The following UPRT variants were observed in gnomAD, a reference collection of about 807,000 sequenced individuals.
UPRT encodes uracil phosphoribosyltransferase homolog.
In UPRT, 5 loss-of-function variants were observed where a neutral mutation model predicts 22.6. That is an observed-to-expected ratio of 0.22 (90% CI 0.12 to 0.47). UPRT has a LOEUF of 0.47. UPRT is among the 20% of genes least tolerant of loss of function. The pLI is 0.99. For missense variants in UPRT, 181 were observed against 239.9 expected, an observed-to-expected ratio of 0.75 and a Z score of 1.62; for synonymous variants, 77 against 87.7, an observed-to-expected ratio of 0.88 and a Z score of 0.68.
intron 4 of UPRT, among the ~76,000 whole-genome samples, chrX:75,223,653 C>T (rs183396585): frequency 9.0e-6 from 1 of 111,718 alleles, no homozygotes; most frequent in Non-Finnish European, 1.9e-5. Context: ...GTCCCACAAT[C>T]ACTGCAGTTT....
intron 4 of UPRT, among the ~76,000 whole-genome samples, chrX:75,229,126 T>C (rs771838829): frequency 7.1e-5 from 8 of 112,112 alleles, no homozygotes; most frequent in Non-Finnish European, 1.5e-4. Context: ...CGCTGTAGAC[T>C]TGAAATTTGT....
intron 4 of UPRT, among the ~76,000 whole-genome samples, chrX:75,216,545 C>CA (rs910210871): frequency 3.6e-5 from 4 of 112,069 alleles, no homozygotes; most frequent in African/African-American, 1.3e-4. Context: ...GCATTAATTA[C>CA]ATGAAATAGT....
intron 3 of UPRT, among the ~76,000 whole-genome samples, chrX:75,164,457 A>AT (rs886329203): frequency 2.7e-5 from 3 of 111,903 alleles, no homozygotes; most frequent in Admixed American, 9.5e-5. Flanking sequence ...ATACAAAGGA[A>AT]TTAGGTGTTG....
At chrX:75,175,798 C>G (rs2082244598) in intron 4 of UPRT, among the ~76,000 whole-genome samples, 1 of 111,752 alleles carries the variant, frequency 8.9e-6, no homozygotes, top group Non-Finnish European at 1.9e-5. Flanking sequence ...GCTCCATTTT[C>G]TGACCTCTCT....
intron 4 of UPRT, among the ~76,000 whole-genome samples, chrX:75,210,360 A>C (rs1458685448): frequency 2.7e-5 from 3 of 111,181 alleles, no homozygotes; most frequent in African/African-American, 6.6e-5. Context: ...TAAGGTTATA[A>C]GATTGAGTGA....
chrX:75,180,349 T>G (rs906891592), intron 4 of UPRT, among the ~76,000 whole-genome samples: 13 of 111,868 alleles, frequency 1.2e-4, no homozygotes, highest in African/African-American at 3.9e-4. Context: ...CTCAGCTCTC[T>G]AAATTGACTC....
intron 4 of UPRT, among the ~76,000 whole-genome samples, chrX:75,233,411 A>C (rs1025721916): frequency 4.5e-5 from 5 of 111,272 alleles, no homozygotes; most frequent in East Asian, 5.6e-4. Context: ...GCAGGCCAAC[A>C]TTCAGATTCA....
intron 4 of UPRT, among the ~76,000 whole-genome samples, chrX:75,230,133 G>A (rs2082433838): frequency 9.0e-6 from 1 of 111,404 alleles, no homozygotes; most frequent in Non-Finnish European, 1.9e-5. Flanking sequence ...GTCTGTCACT[G>A]CCGGCTTTCC....
intron 4 of UPRT, among the ~76,000 whole-genome samples, chrX:75,252,502 A>C (rs1258852579): frequency 8.9e-6 from 1 of 112,557 alleles, no homozygotes; most frequent in Non-Finnish European, 1.9e-5. Flanking sequence ...ATACCATCTC[A>C]CACCAGTTAG....
At chrX:75,249,736 C>A (rs1358381793) in intron 4 of UPRT, among the ~76,000 whole-genome samples, 1 of 111,631 alleles carries the variant, frequency 9.0e-6, no homozygotes, top group African/African-American at 3.3e-5. Flanking sequence ...GAACTCTTCA[C>A]CCTAAATCAA....
rs375919877 is a variant in UPRT at position 75,267,824 on chromosome X, AACATGCTAACATC to A, written c.-446-23196_-446-23184del. On this transcript the variant is annotated intron_variant, in intron 4 of 13. Coordinates refer to the UPRT transcript ENST00000652605. ...GAGAAAGCAGGAAAGATCCAAAATCAACATGCTAACATCACAATTAAAAGAACTGGAGAAGAAA... is the reference window on the plus strand; with the variant it reads ...GAGAAAGCAGGAAAGATCCAAAATCAACAATTAAAAGAACTGGAGAAGAAA... Among the ~76,000 whole-genome samples, 63 of 111,633 alleles carry A rather than the reference AACATGCTAACATC, an allele frequency of 5.6e-4. 1 individual carries two copies. The highest frequency in any genetic ancestry group is 1.9e-3 in the African/African-American group (60 of 30,796).
At chrX:75,157,241 A>C (rs2082184214) in intron 1 of UPRT, among the ~76,000 whole-genome samples, 1 of 112,133 alleles carries the variant, frequency 8.9e-6, no homozygotes, top group Non-Finnish European at 1.9e-5. Flanking sequence ...TTTTCACACA[A>C]AAGAGACAAA....
chrX:75,300,294 A>C lies in UPRT; in HGVS notation c.724+398A>C, dbSNP rs1602499409. 2.7e-5 allele frequency among the ~76,000 whole-genome samples: 3 copies of C among 111,608 alleles called. No individual in the cohort carries two copies. The South Asian group carries it at 1.1e-3, about 42-fold the overall frequency. ...TGTTTCTTAAGCTTACTCAGACCAC[A>C]CTTGGCATGGTCTTTAAGGGAGGTG... On this transcript the variant is annotated intron_variant, in intron 5 of 6. Transcript: ENST00000373383.
rs2082398054 is a variant in UPRT, at chrX:75,217,912, T to C, written c.-447+50033T>C. Reference sequence around the variant, plus strand: ...CAAGATGGATTAAAGACTTAAACGTTAGATCTAAAACCATAAAAACCCTAG... The same window carrying C: ...CAAGATGGATTAAAGACTTAAACGTCAGATCTAAAACCATAAAAACCCTAG... On this transcript the variant is annotated intron_variant, in intron 4 of 13. Transcript: ENST00000652605. Among the ~76,000 whole-genome samples the C allele has an allele frequency of 2.7e-5, 3 of 111,973 alleles. No individual in the cohort carries two copies. The Admixed American group carries it at 2.8e-4, about 11-fold the overall frequency.
At position 75,274,496 on chromosome X, in the gene UPRT, G is replaced by A; in HGVS notation, c.242G>A (p.Gly81Asp). The stretch of plus-strand genomic sequence containing the variant: ...AGCCTCAACTCAGAGGGCAACAGTG[G>A]TAGTGGTGACAGTAGCAGCTATGAC... Reference protein sequence around the residue: ...GSSLNSEGNSGSGDSSSYDAP... With the variant: ...GSSLNSEGNSDSGDSSSYDAP... Residue 81 changes from glycine (G) to aspartate (D), a missense_variant, in exon 1 of 7, where the codon GGT (glycine) becomes GAT (aspartate). Gly to Asp is a moderately conservative substitution (Grantham distance 94, BLOSUM62 -1). This residue lies in a region of UPRT where 111 missense variants were observed against 102.8 expected (regional missense o/e 1.08). Transcript: ENST00000373383. 2 of 1,211,900 alleles carry A rather than the reference G, an allele frequency of 1.7e-6. No homozygotes were observed. The highest frequency in any genetic ancestry group is 2.2e-5 in the Admixed American group (1 of 46,058).
At chrX:75,164,328 C>A (rs890999196) in intron 3 of UPRT, among the ~76,000 whole-genome samples, 24 of 111,696 alleles carry the variant, frequency 2.1e-4, no homozygotes, top group Admixed American at 1.3e-3. Context: ...AGCCTTCAAC[C>A]TTGGACTTCC....
intron 4 of UPRT, among the ~76,000 whole-genome samples, chrX:75,260,418 A>C (rs1016980457): frequency 4.4e-5 from 5 of 112,404 alleles, no homozygotes; most frequent in Non-Finnish European, 9.4e-5. Flanking sequence ...TCTACCAAAC[A>C]AATGGAAAGC....
At position 75,298,832 on chromosome X, in the gene UPRT, G is replaced by T. The variant is rs905660658; in HGVS notation, c.563-903G>T. Among the ~76,000 whole-genome samples, 27 of 111,691 alleles carry T rather than the reference G, an allele frequency of 2.4e-4. No individual in the cohort carries two copies. In the Admixed American group the frequency reaches 2.6e-3, roughly 11 times the overall value. On this transcript the variant is annotated intron_variant, in intron 4 of 6. Coordinates refer to ENST00000373383, the MANE Select transcript of UPRT (RefSeq NM_145052.4). The stretch of plus-strand genomic sequence containing the variant: ...TTTCAGTTCAGCTTCTTCTCTAAAG[G>T]CACAAGCATGGTCCTTGTACCCTTA...
intron 4 of UPRT, among the ~76,000 whole-genome samples, chrX:75,199,397 T>C (rs2082341638): frequency 9.0e-6 from 1 of 111,328 alleles, no homozygotes; most frequent in African/African-American, 3.3e-5. Flanking sequence ...AGCTCCTGGA[T>C]ATATCTAGAT....
Sources: allele counts gnomAD v4.1 joint callset (sites outside exome capture counted in the v4.1 genomes callset), GRCh38; gene constraint gnomAD v4.1.1; regional missense constraint gnomAD v4.1.1; transcripts MANE v1.5; gene names NCBI Gene and HGNC (gene_info 2026-07-23, HGNC 2026-07-21).